The following MAG variants were observed in gnomAD, a reference collection of about 807,000 sequenced individuals.
MAG encodes myelin associated glycoprotein, also known as myelin-associated glycoprotein.
A neutral mutation model predicts 60.7 loss-of-function variants in MAG; 30 were observed. The observed-to-expected ratio is 0.49, with a 90% CI of 0.37 to 0.67. MAG has a LOEUF of 0.67. Among genes scored for constraint, MAG ranks in the 30% least tolerant of loss-of-function variants. The pLI, the probability that MAG is intolerant of heterozygous loss-of-function variation, is 0.00. For missense variants in MAG, 795 were observed against 851.7 expected, an observed-to-expected ratio of 0.93 and a Z score of 0.83; for synonymous variants, 384 against 376.8, an observed-to-expected ratio of 1.02 and a Z score of -0.22.
At chr19:35,299,513 A>C (rs1486725485) in intron 4 of MAG, 41 bp from the exon 5 acceptor site, 2 of 1,448,326 alleles carry the variant, frequency 1.4e-6, no homozygotes, top group Admixed American at 3.7e-5. Flanking sequence ...ACCGTAGCCC[A>C]GTGCTGCTTT....
intron 7 of MAG, among the ~76,000 whole-genome samples, chr19:35,306,778 C>T (rs1475432250): frequency 6.6e-6 from 1 of 152,186 alleles, no homozygotes; most frequent in Admixed American, 6.5e-5. Flanking sequence ...CGCCTATCTT[C>T]GGAGTCCCGT....
chr19:35,297,612 CCA>C (rs1182319627), intron 4 of MAG, among the ~76,000 whole-genome samples: 1 of 142,378 alleles, frequency 7.0e-6, no homozygotes, highest in Non-Finnish European at 1.5e-5. Context: ...AAACTACACA[CCA>C]CACACTGCAC....
In MAG at chr19:35,300,287, G is replaced by T; in HGVS notation, c.853G>T (p.Ala285Ser). The T allele has an allele frequency of 1.9e-6, 3 of 1,599,524 alleles. No individual in the cohort carries two copies. Among genetic ancestry groups the T allele is most frequent in the East Asian group, 2.2e-5 (1 of 44,776 alleles). Residue 285 changes from alanine (A) to serine (S), a missense_variant, in exon 6 of 11, where the codon GCC becomes TCC. Coordinates refer to ENST00000392213, the MANE Select transcript of MAG (RefSeq NM_002361.4). ...CGGGACAGTCCTCCGGGAGGCGGTG[G>T]CCGAGAGCCTGCTCCTGGAGCTGGA... Reference protein sequence around the residue: ...RDGTVLREAVAESLLLELEEV... With the variant: ...RDGTVLREAVSESLLLELEEV...
At chr19:35,310,213 T>C in intron 8 of MAG, 52 bp downstream of exon 8, 2 of 1,559,330 alleles carry the variant, frequency 1.3e-6, no homozygotes, top group Non-Finnish European at 1.7e-6. Context: ...GGGCACGTCT[T>C]AGATCCAAGC....
intron 10 of MAG, 43 bp downstream of exon 10, chr19:35,312,060 G>C: frequency 1.3e-6 from 2 of 1,573,412 alleles, no homozygotes; most frequent in Non-Finnish European, 1.7e-6. Flanking sequence ...CTGGATGCCA[G>C]GGACACTGAA....
At chr19:35,292,260 C>T in intron 1 of MAG, 56 bp downstream of exon 1, 1 of 455,950 alleles carries the variant, frequency 2.2e-6, no homozygotes, top group Non-Finnish European at 4.4e-6. Flanking sequence ...GGGGCAGTGG[C>T]ACCCAGACGT....
intron 7 of MAG, among the ~76,000 whole-genome samples, chr19:35,309,404 C>T (rs2066508303): frequency 1.3e-5 from 2 of 152,026 alleles, no homozygotes; most frequent in South Asian, 2.1e-4. Context: ...AGGAATTTGG[C>T]CCAGGGCTGG....
chr19:35,296,380 G>A (rs773963109), intron 4 of MAG, among the ~76,000 whole-genome samples: 14 of 152,208 alleles, frequency 9.2e-5, no homozygotes, highest in Non-Finnish European at 1.9e-4. Context: ...AAGGCAATGA[G>A]TGAAAAGCCA....
intron 4 of MAG, among the ~76,000 whole-genome samples, chr19:35,299,095 C>T (rs1008757701): frequency 1.3e-5 from 2 of 152,078 alleles, no homozygotes; most frequent in African/African-American, 2.4e-5. Context: ...ACATGCCCGG[C>T]GGAGGGTAAA....
rs201990332 is a variant in MAG at position 35,313,669 on chromosome 19, C to T, written c.*215C>T. On this transcript the variant is annotated 3_prime_UTR_variant, in exon 11 of 11. Transcript: ENST00000392213. ...GCCCTCATTACGGCTCCTCTCTAAC[C>T]TCCTTTACCCTCATCTGTCTGGAGG... The T allele has an allele frequency of 4.2e-4, 222 of 528,230 alleles. 1 individual carries two copies. The highest frequency in any genetic ancestry group is 2.6e-3 in the African/African-American group (137 of 52,094). 32.7% of individuals were successfully genotyped at this position (528,230 alleles called of 1,614,324 possible).
intron 1 of MAG, among the ~76,000 whole-genome samples, chr19:35,294,015 T>C (rs1009807561): frequency 6.6e-6 from 1 of 152,062 alleles, no homozygotes; most frequent in Non-Finnish European, 1.5e-5. Flanking sequence ...GATGCGGTCG[T>C]TCCCCCTTCC....
intron 4 of MAG, 92 bp from the exon 5 acceptor site, chr19:35,299,462 T>C (rs1378015945): frequency 6.9e-6 from 5 of 729,242 alleles, no homozygotes; most frequent in Non-Finnish European, 9.9e-6. Context: ...TTGCCAGCAA[T>C]GGAGGTGGAC....
intron 7 of MAG, 110 bp downstream of exon 7, chr19:35,302,818 G>A (rs1195501847): frequency 4.5e-5 from 61 of 1,343,770 alleles, no homozygotes; most frequent in African/African-American, 1.3e-4. Flanking sequence ...CCTGTCCTCC[G>A]CAGAGACAAG....
intron 7 of MAG, among the ~76,000 whole-genome samples, chr19:35,309,645 G>A (rs2066510263): frequency 6.6e-6 from 1 of 152,164 alleles, no homozygotes. Flanking sequence ...CAAGGCCCCA[G>A]GCGTGGGTTA....
Position 35,299,818 on chromosome 19 carries a change from A to G in MAG, c.680A>G (p.Gln227Arg), listed in dbSNP as rs1231834708. ...GCCTCCTTCCCCAACACCACCCTGC[A>G]GTTCGAGGGCTACGCCAGCATGGAC... is the stretch of plus-strand genomic sequence containing the variant. ...CQASFPNTTL[Q>R]FEGYASMDVK... The change falls in exon 5 of 11, where the codon CAG becomes CGG. Residue 227 changes from glutamine to arginine, a missense_variant. By Grantham distance (43) the Gln-to-Arg change is conservative. Transcript: ENST00000392213. The G allele has an allele frequency of 1.3e-6, 2 of 1,515,562 alleles. No individual in the cohort carries two copies. The highest frequency in any genetic ancestry group is 1.8e-6 in the Non-Finnish European group (2 of 1,134,610). 93.9% of individuals were successfully genotyped at this position (1,515,562 alleles called of 1,614,324 possible).
intron 5 of MAG, 23 bp from the exon 6 acceptor site, chr19:35,300,124 C>A: frequency 6.6e-7 from 1 of 1,513,552 alleles, no homozygotes; most frequent in Non-Finnish European, 8.9e-7. Context: ...TGCTCACTAA[C>A]CTCGCTGTGT....
chr19:35,309,564 G>C (rs2066509642), intron 7 of MAG, among the ~76,000 whole-genome samples: 1 of 152,128 alleles, frequency 6.6e-6, no homozygotes, highest in African/African-American at 2.4e-5. Flanking sequence ...ACAGCAGTGA[G>C]CCACCATGCC....
At chr19:35,303,563 G>C (rs1029148820) in intron 7 of MAG, among the ~76,000 whole-genome samples, 5 of 152,194 alleles carry the variant, frequency 3.3e-5, no homozygotes, top group African/African-American at 1.2e-4. Flanking sequence ...CTCATCCTAT[G>C]TTATGACAGC....
chr19:35,305,359 G>A (rs2066476437), intron 7 of MAG, among the ~76,000 whole-genome samples: 1 of 152,218 alleles, frequency 6.6e-6, no homozygotes, highest in African/African-American at 2.4e-5. Context: ...GGGCATGCAG[G>A]AAGTGTGCAA....
Sources: gnomAD v4.1 joint callset for allele counts (sites outside exome capture counted in the v4.1 genomes callset) on GRCh38, gnomAD v4.1.1 for gene constraint, MANE v1.5 for transcripts, NCBI Gene and HGNC (gene_info 2026-07-23, HGNC 2026-07-21) for gene names.